Variants in PCSK2 observed in about 807,000 individuals in gnomAD.
PCSK2 encodes the protein proprotein convertase subtilisin/kexin type 2.
A neutral mutation model predicts 69.7 loss-of-function variants in PCSK2; 14 were observed. The ratio of observed to expected loss-of-function variants is 0.20; its 90% CI spans 0.13 to 0.31. The LOEUF is 0.31. Among genes scored for constraint, PCSK2 ranks in the 10% least tolerant of loss-of-function variants. The pLI is 1.00. For missense variants in PCSK2, 544 were observed against 842.5 expected (o/e 0.65, Z 4.39); for synonymous variants, 307 against 320.7 (o/e 0.96, Z 0.46).
Position 17,435,659 on chromosome 20 carries a change from G to T in PCSK2, c.710-1049G>T, listed in dbSNP as rs116184132. Among the ~76,000 whole-genome samples the T allele has an allele frequency of 2.8e-3, 427 of 152,288 alleles. 3 individuals are homozygous for T. Among genetic ancestry groups the T allele is most frequent in the African/African-American group, 9.9e-3 (412 of 41,556 alleles). ...GGGGCCCAGATTTTGACTGTGCATG[G>T]CCCAACCCCTTCATTCCATAATCGC... is the stretch of plus-strand genomic sequence containing the variant. On this transcript the variant is annotated intron_variant, in intron 7 of 11. Coordinates refer to ENST00000262545, the MANE Select transcript of PCSK2 (RefSeq NM_002594.5).
intron 2 of PCSK2, among the ~76,000 whole-genome samples, chr20:17,300,948 A>G (rs1989060807): frequency 6.6e-6 from 1 of 152,210 alleles, no homozygotes; most frequent in Non-Finnish European, 1.5e-5. Flanking sequence ...AACCTTAATC[A>G]ATGCTAATTG....
chr20:17,244,511 G>T (rs1316156249), intron 1 of PCSK2, among the ~76,000 whole-genome samples: 2 of 152,154 alleles, frequency 1.3e-5, no homozygotes. Flanking sequence ...ATGTAGATAA[G>T]ATCCACTCAA....
rs545417403 is a variant in PCSK2, at chr20:17,304,511, A to G, written c.282+44167A>G. On this transcript the variant is annotated intron_variant, in intron 2 of 11. Coordinates refer to ENST00000262545, the MANE Select transcript of PCSK2 (RefSeq NM_002594.5). Reference sequence around the variant, plus strand: ...TTTCTGAAACGGAGCACAGGAAGCTATTGTAGGGACACTGGACTGGCAATC... The same window carrying G: ...TTTCTGAAACGGAGCACAGGAAGCTGTTGTAGGGACACTGGACTGGCAATC... 4.6e-5 allele frequency among the ~76,000 whole-genome samples: 7 copies of G among 152,302 alleles called. No individual in the cohort carries two copies. The East Asian group carries it at 1.4e-3, about 29-fold the overall frequency.
chr20:17,289,781 T>C (rs956012724), intron 2 of PCSK2, among the ~76,000 whole-genome samples: 1 of 152,198 alleles, frequency 6.6e-6, no homozygotes, highest in East Asian at 1.9e-4. Context: ...ATATAGCTTT[T>C]GAAAGCTGCA....
At chr20:17,302,796 A>G (rs1332993971) in intron 2 of PCSK2, among the ~76,000 whole-genome samples, 1 of 152,204 alleles carries the variant, frequency 6.6e-6, no homozygotes, top group Non-Finnish European at 1.5e-5. Flanking sequence ...GGTTACGAAT[A>G]GCATGGAAAG....
chr20:17,320,556 A>G (rs906325927), intron 2 of PCSK2, among the ~76,000 whole-genome samples: 1 of 152,216 alleles, frequency 6.6e-6, no homozygotes, highest in Non-Finnish European at 1.5e-5. Context: ...TGTGTTTTCA[A>G]GGAAATTACC....
At chr20:17,289,995 A>C (rs1275273260) in intron 2 of PCSK2, among the ~76,000 whole-genome samples, 1 of 152,170 alleles carries the variant, frequency 6.6e-6, no homozygotes, top group Non-Finnish European at 1.5e-5. Flanking sequence ...CAGTTTGCTC[A>C]TTGTTTAGGT....
chr20:17,404,652 T>A (rs1487739255), intron 5 of PCSK2, among the ~76,000 whole-genome samples: 1 of 152,186 alleles, frequency 6.6e-6, no homozygotes, highest in East Asian at 1.9e-4. Flanking sequence ...ATTCAGTGGC[T>A]GTAGCCCAGG....
At chr20:17,315,118 C>G (rs547045884) in intron 2 of PCSK2, among the ~76,000 whole-genome samples, 1 of 152,256 alleles carries the variant, frequency 6.6e-6, no homozygotes, top group Middle Eastern at 3.4e-3. Flanking sequence ...TCCAGCCCAA[C>G]ACCGAGGAAC....
At chr20:17,338,205 T>C (rs1224254140) in intron 2 of PCSK2, among the ~76,000 whole-genome samples, 3 of 151,822 alleles carry the variant, frequency 2.0e-5, no homozygotes, top group Admixed American at 1.3e-4. Context: ...TTTTTGTTTT[T>C]TGTTTTTTTG....
In PCSK2 at chr20:17,483,096, G is replaced by T. The variant is rs2033438786; in HGVS notation, c.*1026G>T. The T allele has an allele frequency of 6.6e-6, 1 of 151,608 alleles. No individual in the cohort carries two copies. The highest frequency in any genetic ancestry group is 1.5e-5 in the Non-Finnish European group (1 of 67,974). The allele number at this position is 151,608 out of a possible 1,614,324, so 9.4% of individuals were successfully genotyped here. On this transcript the variant is annotated 3_prime_UTR_variant, in exon 12 of 12. Transcript: ENST00000262545. ...GATTTCCAAGTAATATAATGGAAGA[G>T]AAATCTCATACTCCCCCACAGTTTG... is the stretch of plus-strand genomic sequence containing the variant.
chr20:17,454,035 C>A, intron 9 of PCSK2, 78 bp downstream of exon 9: 1 of 1,575,314 alleles, frequency 6.3e-7, no homozygotes. Flanking sequence ...GGGACACTGG[C>A]TTGCTCCCCT....
chr20:17,413,840 C>T (rs1292633901), intron 6 of PCSK2, among the ~76,000 whole-genome samples: 4 of 152,200 alleles, frequency 2.6e-5, no homozygotes, highest in Non-Finnish European at 5.9e-5. Context: ...GTCTCTCAGA[C>T]CACAGTGCAA....
chr20:17,435,593 G>A (rs2032468729), intron 7 of PCSK2, among the ~76,000 whole-genome samples: 2 of 152,158 alleles, frequency 1.3e-5, no homozygotes, highest in African/African-American at 2.4e-5. Context: ...TGTCCTTCAG[G>A]CACAACATCC....
At chr20:17,256,894 A>T (rs1446123389) in intron 1 of PCSK2, among the ~76,000 whole-genome samples, 1 of 152,096 alleles carries the variant, frequency 6.6e-6, no homozygotes, top group East Asian at 1.9e-4. Flanking sequence ...TTCCTCTGTT[A>T]GTTGACTGAG....
Position 17,352,613 on chromosome 20 carries a change from C to A in PCSK2, c.283-5714C>A, listed in dbSNP as rs1480555041. ...AGCAATGGGAAAAGGGCTTTTTATT[C>A]AATAAATGATGCTAGGATAACTGTC... On this transcript the variant is annotated intron_variant, in intron 2 of 11. Coordinates refer to ENST00000262545, the MANE Select transcript of PCSK2 (RefSeq NM_002594.5). Among the ~76,000 whole-genome samples, 3 of 152,126 alleles carry A rather than the reference C, an allele frequency of 2.0e-5. No individual in the cohort carries two copies. The East Asian group carries it at 5.8e-4, about 29-fold the overall frequency.
chr20:17,389,362 G>A (rs761234709), intron 5 of PCSK2, among the ~76,000 whole-genome samples: 6 of 152,300 alleles, frequency 3.9e-5, no homozygotes, highest in South Asian at 4.1e-4. Flanking sequence ...CAGGGGATAT[G>A]CCCTTATGTG....
intron 2 of PCSK2, among the ~76,000 whole-genome samples, chr20:17,297,613 C>T (rs193139532): frequency 9.3e-4 from 141 of 152,308 alleles, no homozygotes; most frequent in African/African-American, 3.3e-3. Context: ...CATTACATGG[C>T]AATGGCAAGA....
At chr20:17,431,930 G>T (rs2032375914) in intron 7 of PCSK2, among the ~76,000 whole-genome samples, 1 of 152,140 alleles carries the variant, frequency 6.6e-6, no homozygotes, top group South Asian at 2.1e-4. Context: ...GAGGTCTAAA[G>T]CGCCACCTGG....
Sources: allele counts gnomAD v4.1 joint callset (sites outside exome capture counted in the v4.1 genomes callset), GRCh38; gene constraint gnomAD v4.1.1; transcripts MANE v1.5; gene names NCBI Gene and HGNC (gene_info 2026-07-23, HGNC 2026-07-21).